Variants in PRELID2 observed in about 807,000 individuals in gnomAD.
The protein encoded by PRELID2 is PRELI domain-containing protein 2.
A neutral mutation model predicts 28.4 loss-of-function variants in PRELID2; 25 were observed. The observed-to-expected ratio is 0.88, with a 90% confidence interval of 0.64 to 1.23. The LOEUF is 1.23. Among genes scored for constraint, PRELID2 ranks in the 50% most tolerant of loss-of-function variants. The pLI is 0.00. For missense variants in PRELID2, 201 were observed against 214.4 expected (o/e 0.94, Z 0.39); for synonymous variants, 76 against 71.6 (o/e 1.06, Z -0.31).
chr5:145,669,612 T>C (rs1448199007), intron 1 of PRELID2, among the ~76,000 whole-genome samples: 1 of 152,130 alleles, frequency 6.6e-6, no homozygotes, highest in Non-Finnish European at 1.5e-5. Context: ...CATGCCATTT[T>C]ATGTTTAAAA....
chr5:145,688,113 G>A (rs904112672), intron 1 of PRELID2, among the ~76,000 whole-genome samples: 2 of 152,166 alleles, frequency 1.3e-5, no homozygotes, highest in African/African-American at 2.4e-5. Context: ...TCTTTGACAC[G>A]ATGCCTTCAG....
intron 1 of PRELID2, among the ~76,000 whole-genome samples, chr5:145,737,021 A>G (rs1756514554): frequency 6.6e-6 from 1 of 152,114 alleles, no homozygotes; most frequent in Non-Finnish European, 1.5e-5. Context: ...GAAGAAAAAG[A>G]GAAGAGAATT....
the PRELID2 span, among the ~76,000 whole-genome samples, chr5:145,427,409 AT>A: frequency 3.3e-5 from 5 of 152,128 alleles, no homozygotes; most frequent in South Asian, 8.3e-4. Context: ...CAGCCTTAAT[AT>A]TTTTTTTATT....
intron 1 of PRELID2, among the ~76,000 whole-genome samples, chr5:145,732,757 T>C (rs1266852544): frequency 6.6e-6 from 1 of 152,146 alleles, no homozygotes; most frequent in Non-Finnish European, 1.5e-5. Flanking sequence ...TGTCTTTCAA[T>C]GATACATAAC....
chr5:145,264,969 T>TAAAAAAAA, the PRELID2 span, among the ~76,000 whole-genome samples: 3 of 56,872 alleles, frequency 5.3e-5, no homozygotes, highest in Admixed American at 2.0e-4. Flanking sequence ...AGTGCAACTC[T>TAAAAAAAA]AAAAAAAAAA....
chr5:145,619,795 A>C (rs976517863), intron 1 of PRELID2, among the ~76,000 whole-genome samples: 5 of 152,238 alleles, frequency 3.3e-5, no homozygotes, highest in Non-Finnish European at 1.5e-5. Context: ...AGGCAACTTG[A>C]AAATGGGATA....
chr5:145,363,100 C>T, the PRELID2 span, among the ~76,000 whole-genome samples: 5 of 135,658 alleles, frequency 3.7e-5, no homozygotes, highest in Admixed American at 3.0e-4. Context: ...ATTCTAGCCA[C>T]ATATCATGGC....
At chr5:145,389,539 T>C in the PRELID2 span, among the ~76,000 whole-genome samples, 1 of 152,154 alleles carries the variant, frequency 6.6e-6, no homozygotes, top group Admixed American at 6.5e-5. Context: ...CTGCTTTGCA[T>C]TTAGGGAACA....
At chr5:145,393,839 G>T in the PRELID2 span, among the ~76,000 whole-genome samples, 1 of 152,208 alleles carries the variant, frequency 6.6e-6, no homozygotes, top group Non-Finnish European at 1.5e-5. Flanking sequence ...TGGGGAGACT[G>T]CATGAGGAAG....
chr5:145,767,428 T>C (rs745945917), intron 5 of PRELID2, among the ~76,000 whole-genome samples: 3 of 152,170 alleles, frequency 2.0e-5, no homozygotes, highest in Non-Finnish European at 2.9e-5. Context: ...TGATTCTTCC[T>C]GGATGCAGGA....
chr5:145,662,075 G>A (rs555063732), intron 1 of PRELID2, among the ~76,000 whole-genome samples: 1 of 151,684 alleles, frequency 6.6e-6, no homozygotes, highest in South Asian at 2.1e-4. Context: ...AATATCTCGG[G>A]GTCCAATGCA....
At chr5:145,752,674 G>T (rs985513806), downstream of PRELID2, among the ~76,000 whole-genome samples, 9 of 152,158 alleles carry the variant, frequency 5.9e-5, no homozygotes, top group Admixed American at 5.9e-4. Context: ...CCTTGGTAGG[G>T]TTCTTAGTTT....
chr5:145,623,131 G>A (rs1753794268), intron 1 of PRELID2, among the ~76,000 whole-genome samples: 1 of 151,826 alleles, frequency 6.6e-6, no homozygotes, highest in Admixed American at 6.6e-5. Context: ...AATCACTTCT[G>A]CTACTAGATA....
the PRELID2 span, among the ~76,000 whole-genome samples, chr5:145,276,452 T>C: frequency 2.0e-5 from 3 of 152,146 alleles, no homozygotes; most frequent in African/African-American, 7.2e-5. Context: ...AATGAAAGAA[T>C]GGGTCTAAAG....
At chr5:145,770,538 G>A (rs746312589) in intron 5 of PRELID2, among the ~76,000 whole-genome samples, 4 of 152,040 alleles carry the variant, frequency 2.6e-5, no homozygotes, top group Admixed American at 2.0e-4. Flanking sequence ...ACAGCCTCAG[G>A]CAGGTCCTTC....
intron 1 of PRELID2, among the ~76,000 whole-genome samples, chr5:145,743,411 CAAAAAAAAA>C (rs59424142): frequency 3.9e-5 from 4 of 101,762 alleles, no homozygotes; most frequent in Admixed American, 1.0e-4. Context: ...AACTCTGCGG[CAAAAAAAAA>C]AAAAAAAAAA....
At chr5:145,595,165 C>CACACACACACATACACACACACACACAT in intron 1 of PRELID2, among the ~76,000 whole-genome samples, 1 of 143,146 alleles carries the variant, frequency 7.0e-6, no homozygotes, top group South Asian at 2.2e-4. Context: ...ATAATAGACA[C>CACACACACACATACACACACACACACAT]ACACACACAC....
chr5:145,385,040 G>C, the PRELID2 span, among the ~76,000 whole-genome samples: 5 of 152,154 alleles, frequency 3.3e-5, no homozygotes, highest in Admixed American at 2.6e-4. Flanking sequence ...CAGTGTAAGA[G>C]TGAATTTTAG....
At chr5:145,774,269 A>G (rs965291195) in intron 5 of PRELID2, among the ~76,000 whole-genome samples, 1 of 152,234 alleles carries the variant, frequency 6.6e-6, no homozygotes, top group African/African-American at 2.4e-5. Context: ...GTTCAAAGTC[A>G]TGTAGCTAGC....
Sources: allele counts gnomAD v4.1 joint callset (sites outside exome capture counted in the v4.1 genomes callset), GRCh38; gene constraint gnomAD v4.1.1; transcripts MANE v1.5; gene names NCBI Gene and HGNC (gene_info 2026-07-23, HGNC 2026-07-21).